SLX4: variants seen among roughly 807,000 people sequenced by gnomAD.
SLX4 encodes SLX4 structure-specific endonuclease subunit, also known as structure-specific endonuclease subunit SLX4.
In SLX4, 112 loss-of-function variants were observed where a neutral mutation model predicts 146.2. The ratio of observed to expected loss-of-function variants is 0.77; its 90% confidence interval spans 0.66 to 0.90. SLX4 has a LOEUF of 0.90. Among genes scored for constraint, SLX4 ranks in the 40% least tolerant of loss-of-function variants. The pLI is 0.00. For missense variants in SLX4, 2,563 were observed against 2,392.7 expected (o/e 1.07, Z -1.49); for synonymous variants, 1,061 against 997.7 (o/e 1.06, Z -1.20).
Position 3,584,768 on chromosome 16 carries a change from C to A in SLX4, c.4739+1G>T, listed in dbSNP as rs759186986. 1.2e-6 allele frequency: 2 copies of A among 1,611,528 alleles called. No homozygotes were observed. The highest frequency in any genetic ancestry group is 1.7e-5 in the Admixed American group (1 of 59,990). On this transcript the variant is annotated splice_donor_variant, in intron 13 of 14. Coordinates refer to ENST00000294008, the MANE Select transcript of SLX4 (RefSeq NM_032444.4). LOFTEE classifies it high-confidence loss of function. ...GGCAACAAGCTTTGAAGACCGCCAA[C>A]CTATCCAGTTCCTTCTTCAGCACCG...
chr16:3,584,678 G>C lies in SLX4; in HGVS notation c.4739+91C>G, dbSNP rs549188582. ...CATCCACCAGACCCAGAGACCACAC[G>C]GGGGGCCCTTCCGCCCCCAGGTGTG... On this transcript the variant is annotated intron_variant, in intron 13 of 14. Coordinates refer to ENST00000294008, the MANE Select transcript of SLX4 (RefSeq NM_032444.4). The C allele has an allele frequency of 8.9e-4, 884 of 991,734 alleles. 13 individuals carry two copies. The South Asian group carries it at 0.011, about 12-fold the overall frequency. 61.4% of individuals were successfully genotyped at this position (991,734 alleles called of 1,614,324 possible).
At position 3,606,615 on chromosome 16, in the gene SLX4, G is replaced by A; in HGVS notation, c.619C>T (p.Gln207Ter). The A allele has an allele frequency of 6.2e-7, 1 of 1,614,198 alleles. No homozygotes were observed. The highest frequency in any genetic ancestry group is 8.5e-7 in the Non-Finnish European group (1 of 1,180,046). ...VPSPSKPRTA[Q>*]LVLQRMQQFK... ...TGCTGCATTCGCTGTAGGACCAATT[G>A]TGCTGTGCGGGGTTTGGAGGGACTT... Residue 207 changes from glutamine (Q) to a stop codon, truncating the protein, a stop_gained, in exon 3 of 15, where the codon CAA (glutamine) becomes TAA (stop). Transcript: ENST00000294008. LOFTEE classifies it high-confidence loss of function.
chr16:3,590,828 C>A lies in SLX4; in HGVS notation c.2810G>T (p.Gly937Val). Residue 937 changes from glycine to valine, a missense_variant, in exon 12 of 15, where the codon GGG becomes GTG. By Grantham distance (109) the Gly-to-Val change is moderately radical. Transcript: ENST00000294008. The surrounding 1 kb of genome is among the most constrained non-coding windows in gnomAD (Gnocchi z 4.8). ...ALPPPQGQHS[G>V]ARGAEAPEQE... The stretch of plus-strand genomic sequence containing the variant: ...CTCAGGGGCCTCTGCTCCCCGTGCC[C>A]CTGAGTGCTGGCCCTGGGGTGGCGG... The A allele has an allele frequency of 6.2e-7, 1 of 1,614,092 alleles. No individual in the cohort carries two copies. Among genetic ancestry groups the A allele is most frequent in the Non-Finnish European group, 8.5e-7 (1 of 1,180,014 alleles).
rs1398335126 is a variant in SLX4 at position 3,596,169 on chromosome 16, G to T, written c.1908C>A (p.Gly636=). The change falls in exon 8 of 15, where the codon GGC becomes GGA. Residue 636 remains glycine (G), a synonymous_variant. Coordinates refer to ENST00000294008, the MANE Select transcript of SLX4 (RefSeq NM_032444.4). ...SPWPGSGGLA[G]SEGTAGLDVV... The stretch of plus-strand genomic sequence containing the variant: ...GCATCTCACCTGCAGTCCCTTCCGA[G>T]CCAGCCAGGCCCCCACTGCCGGGCC... 4 of 1,551,742 alleles carry T rather than the reference G, an allele frequency of 2.6e-6. No individual in the cohort carries two copies. Among genetic ancestry groups the T allele is most frequent in the Non-Finnish European group, 3.5e-6 (4 of 1,150,334 alleles).
intron 14 of SLX4, 127 bp downstream of exon 14, chr16:3,582,970 C>T (rs2151116312): frequency 7.8e-7 from 1 of 1,281,540 alleles, no homozygotes; most frequent in African/African-American, 1.5e-5. Flanking sequence ...GGTTTTCCCA[C>T]AGGTCAAACC....
chr16:3,582,987 G>T, intron 14 of SLX4, 110 bp downstream of exon 14: 2 of 1,407,696 alleles, frequency 1.4e-6, no homozygotes, highest in South Asian at 1.2e-5. Flanking sequence ...AACCCAGAAG[G>T]TGACGGGGGT....
chr16:3,595,689 C>T lies in SLX4; in HGVS notation c.1929G>A (p.Leu643=), dbSNP rs778062467. 5 of 1,614,100 alleles carry T rather than the reference C, an allele frequency of 3.1e-6. No homozygotes were observed. The highest frequency in any genetic ancestry group is 4.2e-6 in the Non-Finnish European group (5 of 1,180,034). Residue 643 remains leucine, a synonymous_variant, in exon 9 of 15, where the codon TTG becomes TTA. Coordinates refer to ENST00000294008, the MANE Select transcript of SLX4 (RefSeq NM_032444.4). Reference sequence around the variant, plus strand: ...GAGGAAGGCCGCCGGGCACCACGTCCAACCCTGAGTGGAGGATTCACAGGT... The same window carrying T: ...GAGGAAGGCCGCCGGGCACCACGTCTAACCCTGAGTGGAGGATTCACAGGT... ...GLAGSEGTAG[L]DVVPGGLPLT... is the part of the protein sequence containing the mutation.
At position 3,597,969 on chromosome 16, in the gene SLX4, C is replaced by G; in HGVS notation, c.1194G>C (p.Arg398=). ...SFSDHSRGLK[R]RGPTSKKEPR... The stretch of plus-strand genomic sequence containing the variant: ...GCTCCTTCTTGCTGGTGGGTCCTCT[C>G]CGTTTCAGACCTCTACTGTGATCAC... Residue 398 remains arginine, a synonymous_variant, in exon 6 of 15, where the codon CGG becomes CGC. Coordinates refer to ENST00000294008, the MANE Select transcript of SLX4 (RefSeq NM_032444.4). This position sits in a 1 kb window ranked among gnomAD's most constrained non-coding sequence, Gnocchi z 4.4. The G allele has an allele frequency of 6.2e-7, 1 of 1,614,158 alleles. No individual in the cohort carries two copies. The highest frequency in any genetic ancestry group is 8.5e-7 in the Non-Finnish European group (1 of 1,180,050).
At chr16:3,595,772 G>T in intron 8 of SLX4, 79 bp from the exon 9 acceptor site, 1 of 1,533,084 alleles carries the variant, frequency 6.5e-7, no homozygotes, top group Admixed American at 1.7e-5. Context: ...TTGACCACAG[G>T]CTGAGCCAGC....
chr16:3,589,026 T>C lies in SLX4; in HGVS notation c.4612A>G (p.Lys1538Glu), dbSNP rs1282403041. 19 of 1,614,012 alleles carry C rather than the reference T, an allele frequency of 1.2e-5. No individual in the cohort carries two copies. Among genetic ancestry groups the C allele is most frequent in the Non-Finnish European group, 1.4e-5 (17 of 1,180,034 alleles). The change falls in exon 12 of 15, where the codon AAG becomes GAG. Residue 1538 changes from lysine (K) to glutamate (E), a missense_variant. Physicochemically the swap from Lys to Glu is moderately conservative, Grantham distance 56 (BLOSUM62 1). Coordinates refer to ENST00000294008, the MANE Select transcript of SLX4 (RefSeq NM_032444.4). This position sits in a 1 kb window ranked among gnomAD's most constrained non-coding sequence, Gnocchi z 6.2. ...CTGGGTGTCTCTAACCCTTCGGGCTTCTGAGCTCCACCAGCGCTTGGCATC... is the reference window on the plus strand; with the variant it reads ...CTGGGTGTCTCTAACCCTTCGGGCTCCTGAGCTCCACCAGCGCTTGGCATC... ...AQMPSAGGAQ[K>E]PEGLETPKGA...
intron 5 of SLX4, among the ~76,000 whole-genome samples, chr16:3,599,941 G>A (rs2040708039): frequency 2.0e-5 from 3 of 152,154 alleles, no homozygotes; most frequent in Non-Finnish European, 2.9e-5. Context: ...TGTGAAAACT[G>A]GACTGTGCTG....
At chr16:3,600,256 G>A (rs71388525) in intron 5 of SLX4, among the ~76,000 whole-genome samples, 2 of 152,208 alleles carry the variant, frequency 1.3e-5, no homozygotes, top group African/African-American at 4.8e-5. Context: ...GCGGAGCTCA[G>A]GCAGTAAAGC....
intron 1 of SLX4, among the ~76,000 whole-genome samples, chr16:3,610,576 C>A (rs1388168850): frequency 6.6e-6 from 1 of 152,168 alleles, no homozygotes; most frequent in African/African-American, 2.4e-5. Flanking sequence ...GAGGAACTGG[C>A]CTAAAGCCAG....
Position 3,597,790 on chromosome 16 carries a change from C to T in SLX4, c.1366+7G>A, listed in dbSNP as rs199889969. 1.6e-5 allele frequency: 26 copies of T among 1,614,200 alleles called. No homozygotes were observed. In the Middle Eastern group the frequency reaches 4.9e-4, roughly 31 times the overall value. On this transcript the variant is annotated splice_region_variant and intron_variant, in intron 6 of 14. Transcript: ENST00000294008. This position sits in a 1 kb window ranked among gnomAD's most constrained non-coding sequence, Gnocchi z 4.4. ...TCTCCCAGGGTCACTCTTCTGATCA[C>T]ACAAACCTGCTTCTGGTCTTATCCT...
chr16:3,586,710 C>T (rs995288687), intron 12 of SLX4, among the ~76,000 whole-genome samples: 12 of 151,514 alleles, frequency 7.9e-5, no homozygotes, highest in African/African-American at 1.9e-4. Context: ...CCCAGCTACT[C>T]GGGAGGCTGA....
In SLX4 at chr16:3,600,335, C is replaced by T. The variant is rs117656844; in HGVS notation, c.1163+644G>A. On this transcript the variant is annotated intron_variant, in intron 5 of 14. Transcript: ENST00000294008. ...AACAGGCCACAGACCGGTACTGGTC[C>T]GAGGCTGGGGGGTTGGGGACCCCTG... 1.1e-3 allele frequency among the ~76,000 whole-genome samples: 166 copies of T among 152,246 alleles called. 1 individual carries two copies. The East Asian group carries it at 0.031, about 28-fold the overall frequency.
rs747483922 is a variant in SLX4, at chr16:3,597,562, C to T, written c.1500G>A (p.Thr500=). 71 of 1,614,136 alleles carry T rather than the reference C, an allele frequency of 4.4e-5. No individual in the cohort carries two copies. The highest frequency in any genetic ancestry group is 5.3e-5 in the Non-Finnish European group (62 of 1,180,040). The change falls in exon 7 of 15, where the codon ACG becomes ACA. Residue 500 remains threonine, a synonymous_variant. Coordinates refer to ENST00000294008, the MANE Select transcript of SLX4 (RefSeq NM_032444.4). The surrounding 1 kb of genome is among the most constrained non-coding windows in gnomAD (Gnocchi z 4.4). ...AAATCCTGCTGGCAGGAAGTGGTGG[C>T]GTGCTAGACAATTCCACTTCCTCAG... The part of the protein sequence containing the change: ...LLSEEVELSS[T]PPLPASRILK...
In SLX4 at chr16:3,602,289, G is replaced by C. The variant is rs1401898448; in HGVS notation, c.779C>G (p.Pro260Arg). ...CACCGCAGCGTCGCTCTCTGGGGCA[G>C]GGGGCCCAAGCCCATACACTGTGGA... ...MAGNVYGLGP[P>R]APESDAAVAL... The change falls in exon 4 of 15, where the codon CCT becomes CGT. Residue 260 changes from proline to arginine, a missense_variant. By Grantham distance (103) the Pro-to-Arg change is moderately radical. Transcript: ENST00000294008. 34 of 1,613,802 alleles carry C rather than the reference G, an allele frequency of 2.1e-5. No individual in the cohort carries two copies. The highest frequency in any genetic ancestry group is 2.7e-5 in the African/African-American group (2 of 74,942).
At chr16:3,593,505 G>C (rs1351234535) in intron 10 of SLX4, among the ~76,000 whole-genome samples, 4 of 152,182 alleles carry the variant, frequency 2.6e-5, no homozygotes, top group Admixed American at 2.0e-4. Flanking sequence ...GGCATGAGCC[G>C]CCGTGCCTGG....
Sources: allele counts gnomAD v4.1 joint callset (sites outside exome capture counted in the v4.1 genomes callset), GRCh38; gene constraint gnomAD v4.1.1; non-coding constraint Gnocchi (gnomAD v3.1); transcripts MANE v1.5; gene names NCBI Gene and HGNC (gene_info 2026-07-23, HGNC 2026-07-21).